The following GSE1 variants were observed in gnomAD, a reference collection of about 807,000 sequenced individuals.
GSE1 encodes Gse1 coiled-coil protein.
Under a neutral mutation model 112.6 loss-of-function variants are expected in GSE1, and 32 were observed. The ratio of observed to expected loss-of-function variants is 0.28; its 90% CI spans 0.21 to 0.38. The LOEUF is 0.38. Ranked by LOEUF, GSE1 falls within the 10% of genes least tolerant of loss-of-function variation. The probability of loss-of-function intolerance (pLI) is 1.00; values close to 1 mark genes in which losing one functional copy is unlikely to be tolerated. For missense variants in GSE1, 2,348 were observed against 1,699.2 expected (o/e 1.38, Z -6.71); for synonymous variants, 1,115 against 735.6 (o/e 1.52, Z -8.35).
intron 2 of GSE1, among the ~76,000 whole-genome samples, chr16:85,487,763 T>C (rs1274413804): frequency 6.6e-6 from 1 of 152,182 alleles, no homozygotes; most frequent in Non-Finnish European, 1.5e-5. Context: ...AGGTGGGTCG[T>C]CCAGGCCACT....
chr16:85,402,945 G>A (rs866144771), intron 2 of GSE1, among the ~76,000 whole-genome samples: 14 of 151,764 alleles, frequency 9.2e-5, no homozygotes, highest in African/African-American at 1.9e-4. Context: ...CCAAAACTTC[G>A]TGGCTCCAGA....
chr16:85,468,436 C>T (rs1004947488), intron 2 of GSE1, among the ~76,000 whole-genome samples: 1 of 151,638 alleles, frequency 6.6e-6, no homozygotes, highest in African/African-American at 2.4e-5. Flanking sequence ...TCTGCCTCAG[C>T]CTCCTGAGTA....
chr16:85,571,978 C>T (rs961449758), intron 1 of GSE1, among the ~76,000 whole-genome samples: 1 of 151,996 alleles, frequency 6.6e-6, no homozygotes, highest in Admixed American at 6.5e-5. Flanking sequence ...CAGGTGGACC[C>T]TGGAGGACAT....
chr16:85,589,751 A>G (rs988009297), intron 1 of GSE1, among the ~76,000 whole-genome samples: 1 of 152,016 alleles, frequency 6.6e-6, no homozygotes, highest in Non-Finnish European at 1.5e-5. Flanking sequence ...ATGACTGAAC[A>G]TGTGTGAACT....
intron 1 of GSE1, among the ~76,000 whole-genome samples, chr16:85,332,826 T>G (rs746823835): frequency 2.1e-4 from 32 of 152,170 alleles, no homozygotes; most frequent in Admixed American, 1.0e-3. Context: ...GTCTTTTGAG[T>G]GCCCTTCATG....
At chr16:85,272,317 G>A (rs576950466) in intron 1 of GSE1, among the ~76,000 whole-genome samples, 173 of 152,344 alleles carry the variant, frequency 1.1e-3, no homozygotes, top group African/African-American at 3.9e-3. Flanking sequence ...CCTCAGGCCC[G>A]CAGAGGTGTC....
At chr16:85,378,921 C>T (rs2047484560) in intron 2 of GSE1, among the ~76,000 whole-genome samples, 1 of 152,230 alleles carries the variant, frequency 6.6e-6, no homozygotes, top group African/African-American at 2.4e-5. Flanking sequence ...TGCTCCCCAA[C>T]TCCTGCAAAT....
rs988779557 is a variant in GSE1, at chr16:85,663,877, G to C, written c.2644+263G>C. On this transcript the variant is annotated intron_variant, in intron 11 of 15. Transcript: ENST00000253458. ...GTCACTCATCCATCTCCCAGCGCCC[G>C]AGAAGGCGCTCTTTGAGCCGAGTGC... Among the ~76,000 whole-genome samples, 4 of 152,372 alleles carry C rather than the reference G, an allele frequency of 2.6e-5. No individual in the cohort carries two copies. The South Asian group carries it at 8.3e-4, about 32-fold the overall frequency.
intron 1 of GSE1, among the ~76,000 whole-genome samples, chr16:85,590,838 C>T (rs1041764875): frequency 1.2e-4 from 18 of 152,208 alleles, no homozygotes; most frequent in African/African-American, 4.3e-4. Flanking sequence ...CTTGGGACCC[C>T]TCTTTTCCGT....
chr16:85,231,820 T>TA (rs1160689638), intron 1 of GSE1, among the ~76,000 whole-genome samples: 1 of 152,362 alleles, frequency 6.6e-6, no homozygotes, highest in Non-Finnish European at 1.5e-5. Context: ...TGTCTCAGCC[T>TA]AAAATGATGC....
At chr16:85,222,689 C>G (rs1164569395) in intron 1 of GSE1, among the ~76,000 whole-genome samples, 1 of 152,156 alleles carries the variant, frequency 6.6e-6, no homozygotes, top group African/African-American at 2.4e-5. Flanking sequence ...AAACGTGGCC[C>G]AATTAAAAAC....
At chr16:85,641,374 C>G (rs1445003233) in intron 2 of GSE1, among the ~76,000 whole-genome samples, 2 of 152,208 alleles carry the variant, frequency 1.3e-5, no homozygotes, top group Non-Finnish European at 2.9e-5. Context: ...GGTTTGATGA[C>G]TGTGGCACGT....
chr16:85,247,533 G>C (rs1016779089), intron 1 of GSE1, among the ~76,000 whole-genome samples: 5 of 152,192 alleles, frequency 3.3e-5, no homozygotes, highest in African/African-American at 1.2e-4. Flanking sequence ...AGGAGGCCTG[G>C]ACCTGGCTGA....
At chr16:85,326,727 T>C (rs1289982940) in intron 1 of GSE1, among the ~76,000 whole-genome samples, 3 of 152,218 alleles carry the variant, frequency 2.0e-5, no homozygotes, top group African/African-American at 7.2e-5. Context: ...GAGAACAGAC[T>C]AATATGGCCT....
intron 1 of GSE1, among the ~76,000 whole-genome samples, chr16:85,616,045 T>C (rs2048350001): frequency 6.6e-6 from 1 of 152,188 alleles, no homozygotes; most frequent in Non-Finnish European, 1.5e-5. Context: ...TCTGAGTGCC[T>C]TGTGGTTTCA....
chr16:85,616,451 T>G (rs1225861932), intron 1 of GSE1, among the ~76,000 whole-genome samples: 1 of 152,154 alleles, frequency 6.6e-6, no homozygotes, highest in Non-Finnish European at 1.5e-5. Flanking sequence ...ATTCCCAGCC[T>G]GGGTTACTCG....
At chr16:85,558,508 G>C (rs1482048407) in intron 1 of GSE1, among the ~76,000 whole-genome samples, 2 of 152,242 alleles carry the variant, frequency 1.3e-5, no homozygotes, top group Non-Finnish European at 2.9e-5. Flanking sequence ...AGGAGGAAGT[G>C]TCAGGCTGGG....
intron 2 of GSE1, among the ~76,000 whole-genome samples, chr16:85,542,378 C>T (rs2044551205): frequency 6.6e-6 from 1 of 152,212 alleles, no homozygotes; most frequent in African/African-American, 2.4e-5. Context: ...AAGTGTCCTA[C>T]AGAGGAGGAG....
intron 1 of GSE1, among the ~76,000 whole-genome samples, chr16:85,289,655 CG>C (rs1457329376): frequency 1.3e-5 from 2 of 152,092 alleles, no homozygotes; most frequent in African/African-American, 4.8e-5. Context: ...GGGTAAGCAA[CG>C]GGGTGGTGGT....
Sources: allele counts gnomAD v4.1 joint callset (sites outside exome capture counted in the v4.1 genomes callset), GRCh38; gene constraint gnomAD v4.1.1; transcripts MANE v1.5; gene names NCBI Gene and HGNC (gene_info 2026-07-23, HGNC 2026-07-21).